Variants in IFT80 observed in about 807,000 individuals in gnomAD.
IFT80 encodes intraflagellar transport 80, also known as intraflagellar transport protein 80 homolog.
IFT80 carries 79 observed loss-of-function variants against 107.9 expected under a neutral mutation model. That is an observed-to-expected ratio of 0.73 (90% CI 0.61 to 0.88). The LOEUF (loss-of-function observed/expected upper bound fraction) is 0.88. Among genes scored for constraint, IFT80 ranks in the 40% least tolerant of loss-of-function variants. The probability of loss-of-function intolerance (pLI) is 0.00; values close to 1 mark genes in which losing one functional copy is unlikely to be tolerated. For missense variants in IFT80, 797 were observed against 914.2 expected, an observed-to-expected ratio of 0.87 and a Z score of 1.65; for synonymous variants, 299 against 300.9, an observed-to-expected ratio of 0.99 and a Z score of 0.07.
At chr3:160,364,322 A>G (rs1721706389) in intron 6 of IFT80, among the ~76,000 whole-genome samples, 1 of 152,220 alleles carries the variant, frequency 6.6e-6, no homozygotes, top group Non-Finnish European at 1.5e-5. Context: ...CACACCAGTT[A>G]GAATGGTGAT....
At chr3:160,339,450 A>T (rs1719728215) in intron 8 of IFT80, among the ~76,000 whole-genome samples, 1 of 152,166 alleles carries the variant, frequency 6.6e-6, no homozygotes, top group East Asian at 1.9e-4. Flanking sequence ...TATTTTTGTT[A>T]TACTAATTTT....
intron 13 of IFT80, among the ~76,000 whole-genome samples, chr3:160,284,782 A>C (rs1714964601): frequency 6.6e-6 from 1 of 152,240 alleles, no homozygotes; most frequent in Non-Finnish European, 1.5e-5. Context: ...AACTATCTCC[A>C]GAAAGACAGT....
intron 1 of IFT80, among the ~76,000 whole-genome samples, chr3:160,397,547 G>A (rs543629265): frequency 1.1e-4 from 17 of 152,148 alleles, no homozygotes; most frequent in African/African-American, 3.4e-4. Context: ...TGATGAGACA[G>A]GTATTATATG....
intron 8 of IFT80, among the ~76,000 whole-genome samples, chr3:160,336,660 C>T (rs1467327634): frequency 6.6e-6 from 1 of 151,958 alleles, no homozygotes; most frequent in Non-Finnish European, 1.5e-5. Context: ...TGAAGATACA[C>T]TTTCCTATAT....
At position 160,309,197 on chromosome 3, in the gene IFT80, A is replaced by G. The variant is rs117076447; in HGVS notation, c.958-1416T>C. Among the ~76,000 whole-genome samples, 233 of 152,338 alleles carry G rather than the reference A, an allele frequency of 1.5e-3. 1 individual carries two copies. The highest frequency in any genetic ancestry group is 6.0e-3 in the East Asian group (31 of 5,186). On this transcript the variant is annotated intron_variant, in intron 9 of 19. Transcript: ENST00000326448. Reference sequence around the variant, plus strand: ...TCATTTCTAGAGTCCCATCCCAAAGATAAATAAGCAAAACTATAAAATAAC... The same window carrying G: ...TCATTTCTAGAGTCCCATCCCAAAGGTAAATAAGCAAAACTATAAAATAAC...
intron 8 of IFT80, among the ~76,000 whole-genome samples, chr3:160,355,636 A>T (rs1379756770): frequency 6.6e-6 from 1 of 152,134 alleles, no homozygotes; most frequent in Non-Finnish European, 1.5e-5. Flanking sequence ...CGTATGAAAC[A>T]TATTGACAGC....
chr3:160,392,241 G>A (rs1169479307), intron 1 of IFT80, among the ~76,000 whole-genome samples: 1 of 152,182 alleles, frequency 6.6e-6, no homozygotes, highest in Non-Finnish European at 1.5e-5. Flanking sequence ...TAAATGGTAG[G>A]CTCAGTCCTT....
At position 160,280,978 on chromosome 3, in the gene IFT80, A is replaced by T. The variant is rs572407989; in HGVS notation, c.1517-164T>A. Among the ~76,000 whole-genome samples the T allele has an allele frequency of 5.3e-5, 8 of 152,340 alleles. 1 individual carries two copies. In the South Asian group the frequency reaches 1.7e-3, roughly 32 times the overall value. ...AAAACACATACCAAACAATCACACA[A>T]GAATTTACAGAAATATTTGAATGCT... On this transcript the variant is annotated intron_variant, in intron 14 of 19. Transcript: ENST00000326448.
At chr3:160,372,833 A>G (rs1291316482) in intron 5 of IFT80, among the ~76,000 whole-genome samples, 2 of 152,206 alleles carry the variant, frequency 1.3e-5, no homozygotes, top group African/African-American at 2.4e-5. Flanking sequence ...AAGAAAATCA[A>G]CTGTATTATA....
At chr3:160,287,522 G>T (rs1715185185) in intron 12 of IFT80, among the ~76,000 whole-genome samples, 1 of 152,198 alleles carries the variant, frequency 6.6e-6, no homozygotes, top group Non-Finnish European at 1.5e-5. Context: ...TTTGGGAAGA[G>T]AAAGGATGAA....
chr3:160,307,940 C>T (rs1440723447), intron 9 of IFT80, among the ~76,000 whole-genome samples, 159 bp from the exon 10 acceptor site: 5 of 151,800 alleles, frequency 3.3e-5, no homozygotes, highest in African/African-American at 9.7e-5. Context: ...AGATAGTATA[C>T]CTAATATTAA....
chr3:160,367,094 A>G (rs760027845), intron 5 of IFT80, among the ~76,000 whole-genome samples: 19 of 152,154 alleles, frequency 1.2e-4, no homozygotes, highest in Admixed American at 4.6e-4. Context: ...TCCATGTTGT[A>G]GCAAATTATT....
At chr3:160,269,992 C>A (rs1004663209) in intron 18 of IFT80, among the ~76,000 whole-genome samples, 1 of 151,922 alleles carries the variant, frequency 6.6e-6, no homozygotes, top group Non-Finnish European at 1.5e-5. Context: ...TTTTGGCATG[C>A]TTTGGTTTGG....
intron 12 of IFT80, among the ~76,000 whole-genome samples, chr3:160,287,980 T>G (rs181275825): frequency 9.2e-5 from 14 of 152,052 alleles, no homozygotes; most frequent in African/African-American, 2.9e-4. Context: ...CCTAAGAGAA[T>G]AGGGACAGAC....
At chr3:160,389,076 T>C (rs895524453) in intron 1 of IFT80, among the ~76,000 whole-genome samples, 1 of 152,196 alleles carries the variant, frequency 6.6e-6, no homozygotes, top group Non-Finnish European at 1.5e-5. Flanking sequence ...TTTATGGTAA[T>C]TTGTTACAGC....
At chr3:160,299,237 TAA>T in intron 12 of IFT80, 1 of 1,132,886 alleles carries the variant, frequency 8.8e-7, no homozygotes, top group Non-Finnish European at 1.1e-6. Context: ...GGAAGTCCTT[TAA>T]AAAAAAATTA....
chr3:160,384,647 C>T lies in IFT80; in HGVS notation c.-46-1G>A, dbSNP rs772303872. On this transcript the variant is annotated splice_acceptor_variant, in intron 1 of 19. Coordinates refer to ENST00000326448, the MANE Select transcript of IFT80 (RefSeq NM_020800.3). LOFTEE classifies it low-confidence loss of function (5UTR_SPLICE). The stretch of plus-strand genomic sequence containing the variant: ...TTAAGATGCCACTTGATTGTATTTA[C>T]TGTAAAAATAAAAGGAGAGAAAATA... 2 of 1,584,704 alleles carry T rather than the reference C, an allele frequency of 1.3e-6. No individual in the cohort carries two copies. The highest frequency in any genetic ancestry group is 1.1e-5 in the South Asian group (1 of 89,828).
intron 8 of IFT80, among the ~76,000 whole-genome samples, chr3:160,341,148 G>T (rs778876711): frequency 1.3e-5 from 2 of 152,006 alleles, no homozygotes; most frequent in Non-Finnish European, 2.9e-5. Context: ...TACAACTACA[G>T]GTGCTTGCCA....
intron 11 of IFT80, among the ~76,000 whole-genome samples, chr3:160,303,558 C>T (rs2108270973): frequency 6.6e-6 from 1 of 152,284 alleles, no homozygotes; most frequent in Admixed American, 6.5e-5. Context: ...GTGTTGCTCT[C>T]ATTCTCTCAT....
Sources: gnomAD v4.1 joint callset for allele counts (sites outside exome capture counted in the v4.1 genomes callset) on GRCh38, gnomAD v4.1.1 for gene constraint, MANE v1.5 for transcripts, NCBI Gene and HGNC (gene_info 2026-07-23, HGNC 2026-07-21) for gene names.